The following ADGRD1 variants were observed in gnomAD, a reference collection of about 807,000 sequenced individuals.
The protein encoded by ADGRD1 is G-protein coupled receptor 133.
A neutral mutation model predicts 113.4 loss-of-function variants in ADGRD1; 77 were observed. The observed-to-expected ratio is 0.68, with a 90% CI of 0.57 to 0.82. ADGRD1 has a LOEUF of 0.82. Ranked by LOEUF, ADGRD1 falls within the 40% of genes least tolerant of loss-of-function variation. The pLI is 0.00. For synonymous variants in ADGRD1, 474 were observed against 475.0 expected, an observed-to-expected ratio of 1.00 and a Z score of 0.03; for missense variants, 1,036 against 1,139.1, an observed-to-expected ratio of 0.91 and a Z score of 1.30.
chr12:131,123,909 C>T lies in ADGRD1; in HGVS notation c.2175+2996C>T, dbSNP rs575059418. Among the ~76,000 whole-genome samples the T allele has an allele frequency of 1.2e-4, 19 of 152,160 alleles. No individual in the cohort carries two copies. In the South Asian group the frequency reaches 2.7e-3, roughly 22 times the overall value. Reference sequence around the variant, plus strand: ...TGGCCCACTACCTGCTTTTGTAGATCGAGTTTTCTTGGCACACAGCCACGT... The same window carrying T: ...TGGCCCACTACCTGCTTTTGTAGATTGAGTTTTCTTGGCACACAGCCACGT... On this transcript the variant is annotated intron_variant, in intron 20 of 24. Transcript: ENST00000261654.
intron 4 of ADGRD1, chr12:130,978,055 T>C (rs1323952691): frequency 6.6e-6 from 1 of 152,234 alleles, no homozygotes; most frequent in Non-Finnish European, 1.5e-5. Context: ...TTCTCCCCTG[T>C]GAAATGGGGA....
chr12:131,042,674 T>TCG (rs1566058188), intron 13 of ADGRD1, among the ~76,000 whole-genome samples: 2 of 152,152 alleles, frequency 1.3e-5, no homozygotes, highest in African/African-American at 4.8e-5. Context: ...TCACAGGCGC[T>TCG]GCGGCTCTGT....
At chr12:131,111,367 C>T (rs1950343489) in intron 18 of ADGRD1, among the ~76,000 whole-genome samples, 1 of 152,220 alleles carries the variant, frequency 6.6e-6, no homozygotes, top group Admixed American at 6.5e-5. Context: ...GCTGGGATTA[C>T]AGGCGTGAGC....
intron 13 of ADGRD1, among the ~76,000 whole-genome samples, chr12:131,051,553 G>C (rs1399093687): frequency 6.8e-6 from 1 of 146,094 alleles, no homozygotes; most frequent in African/African-American, 2.5e-5. Context: ...GCGATATCTT[G>C]GCTCACTGCA....
intron 9 of ADGRD1, among the ~76,000 whole-genome samples, chr12:131,000,697 T>C (rs1876261524): frequency 7.0e-6 from 1 of 143,114 alleles, no homozygotes; most frequent in Non-Finnish European, 1.5e-5. Flanking sequence ...GCCGAGGTTG[T>C]GCCACTGCAC....
chr12:131,115,589 A>C (rs1246714089), intron 18 of ADGRD1, among the ~76,000 whole-genome samples: 1 of 152,086 alleles, frequency 6.6e-6, no homozygotes, highest in East Asian at 1.9e-4. Flanking sequence ...CCTCAATCTT[A>C]GGGGGCAGAT....
intron 2 of ADGRD1, among the ~76,000 whole-genome samples, chr12:130,955,040 A>G (rs1224749135): frequency 6.7e-6 from 1 of 149,272 alleles, no homozygotes; most frequent in Non-Finnish European, 1.5e-5. Context: ...AGTGGCCGCA[A>G]CCTCTGCCTC....
At position 131,060,008 on chromosome 12, in the gene ADGRD1, T is replaced by C. The variant is rs1239320918; in HGVS notation, c.1474-16793T>C. 6.6e-6 allele frequency among the ~76,000 whole-genome samples: 1 copy of C among 152,282 alleles called. No individual in the cohort carries two copies. The highest frequency in any genetic ancestry group is 6.5e-5 in the Admixed American group (1 of 15,290). On this transcript the variant is annotated intron_variant, in intron 13 of 24. Coordinates refer to ENST00000261654, the MANE Select transcript of ADGRD1 (RefSeq NM_198827.5). This position sits in a 1 kb window ranked among gnomAD's most constrained non-coding sequence, Gnocchi z 4.4. ...CTCTGGATCTTATTTAAATCTGTTTTAGCAGTCCTTCTCTGATACCCACCA... is the reference window on the plus strand; with the variant it reads ...CTCTGGATCTTATTTAAATCTGTTTCAGCAGTCCTTCTCTGATACCCACCA...
At chr12:131,115,633 G>A (rs559230654) in intron 18 of ADGRD1, among the ~76,000 whole-genome samples, 1 of 152,272 alleles carries the variant, frequency 6.6e-6, no homozygotes, top group East Asian at 1.9e-4. Context: ...CCCTCTGAAG[G>A]TCACCGTGTT....
At chr12:131,018,793 C>CCGTACTTCTTTCTCAAAGCAT (rs1566035044) in intron 13 of ADGRD1, among the ~76,000 whole-genome samples, 93 of 152,182 alleles carry the variant, frequency 6.1e-4, no homozygotes, top group Non-Finnish European at 1.2e-3. Flanking sequence ...TCTCAAAGCA[C>CCGTACTTCTTTCTCAAAGCAT]AGCCGTTTCA....
intron 13 of ADGRD1, chr12:131,035,626 GGT>G (rs34106604): frequency 0.34 from 51,631 of 151,982 alleles, 10,639 homozygotes; most frequent in South Asian, 0.52. Flanking sequence ...CTGATGATGG[GGT>G]GTTAGCAGCT....
intron 21 of ADGRD1, among the ~76,000 whole-genome samples, chr12:131,132,078 C>A (rs993913932): frequency 6.6e-6 from 1 of 152,202 alleles, no homozygotes; most frequent in Admixed American, 6.5e-5. Flanking sequence ...GGGATTTCTT[C>A]ACCCCAGGGT....
At chr12:131,036,816 G>A (rs947657676) in intron 13 of ADGRD1, among the ~76,000 whole-genome samples, 4 of 133,828 alleles carry the variant, frequency 3.0e-5, no homozygotes, top group Non-Finnish European at 6.3e-5. Flanking sequence ...CACTGCCCCG[G>A]GTCTCACTCA....
rs945355153 is a variant in ADGRD1 at position 130,971,974 on chromosome 12, C to T, written c.310+394C>T. ...CTGGCTCTGGGATGTTGACGGTGAG[C>T]GGGCAGGGCATACCCAAGAACACTT... On this transcript the variant is annotated intron_variant, in intron 4 of 24. Coordinates refer to ENST00000261654, the MANE Select transcript of ADGRD1 (RefSeq NM_198827.5). This position sits in a 1 kb window ranked among gnomAD's most constrained non-coding sequence, Gnocchi z 4.2. Among the ~76,000 whole-genome samples the T allele has an allele frequency of 3.3e-5, 5 of 152,092 alleles. No homozygotes were observed. The highest frequency in any genetic ancestry group is 9.7e-5 in the African/African-American group (4 of 41,410).
chr12:131,060,526 A>C lies in ADGRD1; in HGVS notation c.1474-16275A>C, dbSNP rs1013023826. Among the ~76,000 whole-genome samples the C allele has an allele frequency of 6.6e-6, 1 of 152,194 alleles. No homozygotes were observed. Among genetic ancestry groups the C allele is most frequent in the Non-Finnish European group, 1.5e-5 (1 of 68,026 alleles). ...GGGTCACACCATGCAGAGACTGGCC[A>C]AGTCAGTCCTGGGTGACAGAGGCCG... On this transcript the variant is annotated intron_variant, in intron 13 of 24. Coordinates refer to ENST00000261654, the MANE Select transcript of ADGRD1 (RefSeq NM_198827.5). The surrounding 1 kb of genome is among the most constrained non-coding windows in gnomAD (Gnocchi z 4.4).
intron 20 of ADGRD1, among the ~76,000 whole-genome samples, chr12:131,125,664 A>G (rs1950723332): frequency 6.6e-6 from 1 of 152,252 alleles, no homozygotes; most frequent in South Asian, 2.1e-4. Context: ...GCATAAATAT[A>G]GATACAGATA....
chr12:131,131,951 C>T, intron 21 of ADGRD1, 135 bp downstream of exon 21: 1 of 659,708 alleles, frequency 1.5e-6, no homozygotes, highest in Non-Finnish European at 2.7e-6. Flanking sequence ...GTGTCCCTGC[C>T]ATCTCAGGGC....
rs759775523 is a variant in ADGRD1 at position 130,981,864 on chromosome 12, G to C, written c.311-20G>C. On this transcript the variant is annotated intron_variant, in intron 4 of 24. Coordinates refer to ENST00000261654, the MANE Select transcript of ADGRD1 (RefSeq NM_198827.5). The stretch of plus-strand genomic sequence containing the variant: ...AGTCCCCTGCTCTCTGTGAATAACT[G>C]ATCTTGTGACTTTCCTCAGGGGTCA... The C allele has an allele frequency of 5.0e-6, 8 of 1,586,148 alleles. No homozygotes were observed. Among genetic ancestry groups the C allele is most frequent in the Non-Finnish European group, 6.9e-6 (8 of 1,158,304 alleles).
chr12:131,114,261 G>C (rs1950411972), intron 18 of ADGRD1, among the ~76,000 whole-genome samples: 1 of 152,166 alleles, frequency 6.6e-6, no homozygotes, highest in African/African-American at 2.4e-5. Context: ...AAGATTGAGG[G>C]ATTTTACACA....
Sources: gnomAD v4.1 joint callset for allele counts (sites outside exome capture counted in the v4.1 genomes callset) on GRCh38, gnomAD v4.1.1 for gene constraint, Gnocchi (gnomAD v3.1) non-coding constraint, MANE v1.5 for transcripts, NCBI Gene and HGNC (gene_info 2026-07-23, HGNC 2026-07-21) for gene names.